The following UTP25 variants were observed in gnomAD, a reference collection of about 807,000 sequenced individuals.
The protein encoded by UTP25 is UTP25 small subunit processome component, also known as U3 small nucleolar RNA-associated protein 25 homolog.
In UTP25, 50 loss-of-function variants were observed where a neutral mutation model predicts 78.9. The ratio of observed to expected loss-of-function variants is 0.63; its 90% CI spans 0.50 to 0.80. The LOEUF (loss-of-function observed/expected upper bound fraction) is 0.80. UTP25 is among the 30% of genes least tolerant of loss of function. UTP25 has a pLI of 0.00. For synonymous variants in UTP25, 329 were observed against 336.5 expected, an observed-to-expected ratio of 0.98 and a Z score of 0.24; for missense variants, 846 against 911.3, an observed-to-expected ratio of 0.93 and a Z score of 0.92.
intron 4 of UTP25, among the ~76,000 whole-genome samples, chr1:209,833,866 G>A (rs910898460): frequency 6.6e-6 from 1 of 152,104 alleles, no homozygotes; most frequent in Admixed American, 6.6e-5. Flanking sequence ...CAGTCACGTG[G>A]TCAAGACGTG....
At chr1:209,842,555 A>G in intron 9 of UTP25, 28 bp from the exon 10 acceptor site, 4 of 1,612,432 alleles carry the variant, frequency 2.5e-6, no homozygotes, top group Non-Finnish European at 3.4e-6. Flanking sequence ...ATGGCTGTCC[A>G]CCTAACGCTC....
rs890655043 is a variant in UTP25, at chr1:209,855,025, C to G, written c.*3578C>G. On this transcript the variant is annotated 3_prime_UTR_variant, in exon 12 of 12. Transcript: ENST00000491415. ...AAGCCTGGCTACATAGAATTCTAAACAGATTTCAGTCAACTTTTAATTAGA... is the reference window on the plus strand; with the variant it reads ...AAGCCTGGCTACATAGAATTCTAAAGAGATTTCAGTCAACTTTTAATTAGA... 6 of 152,196 alleles carry G rather than the reference C, an allele frequency of 3.9e-5. No homozygotes were observed. Among genetic ancestry groups the G allele is most frequent in the African/African-American group, 1.2e-4 (5 of 41,434 alleles). 9.4% of individuals were successfully genotyped at this position (152,196 alleles called of 1,614,324 possible). A position where few individuals can be genotyped will look rare whatever the true frequency, so the allele number is the denominator to read the frequency against.
chr1:209,843,190 G>T, intron 10 of UTP25: 1 of 506,534 alleles, frequency 2.0e-6, no homozygotes, highest in Non-Finnish European at 3.5e-6. Context: ...GAATAGTGTG[G>T]TGTGTACTTC....
chr1:209,839,641 G>A lies in UTP25; in HGVS notation c.1282+513G>A, dbSNP rs953378845. 6.6e-5 allele frequency among the ~76,000 whole-genome samples: 10 copies of A among 152,136 alleles called. No homozygotes were observed. In the East Asian group the frequency reaches 7.7e-4, roughly 12 times the overall value. On this transcript the variant is annotated intron_variant, in intron 7 of 11. Coordinates refer to ENST00000491415, the MANE Select transcript of UTP25 (RefSeq NM_014388.7). ...CTCTCATTCAGCTCCCATTGACTTT[G>A]GTTGGTTATACCTTTTATAGAGTAA...
rs1318909343 is a variant in UTP25 at position 209,836,792 on chromosome 1, C to T, written c.652-9C>T. 6.3e-7 allele frequency: 1 copy of T among 1,578,404 alleles called. No individual in the cohort carries two copies. On this transcript the variant is annotated splice_polypyrimidine_tract_variant and intron_variant, in intron 5 of 11. Coordinates refer to ENST00000491415, the MANE Select transcript of UTP25 (RefSeq NM_014388.7). ...TTCTAATTTGGCTCTTGATCTGTTT[C>T]TCCCCTAGTGGCCTATTCTGGGCCA...
Position 209,843,555 on chromosome 1 carries a change from A to C in UTP25, c.1886A>C (p.Asn629Thr). 6.2e-7 allele frequency: 1 copy of C among 1,614,192 alleles called. No individual in the cohort carries two copies. Among genetic ancestry groups the C allele is most frequent in the Non-Finnish European group, 8.5e-7 (1 of 1,180,028 alleles). Residue 629 changes from asparagine (N) to threonine (T), a missense_variant, in exon 11 of 12, where the codon AAT becomes ACT. By Grantham distance (65) the Asn-to-Thr change is moderately conservative (BLOSUM62 0). Coordinates refer to ENST00000491415, the MANE Select transcript of UTP25 (RefSeq NM_014388.7). ...PSYFDFVRLRNYFKKEELNFT... is the reference protein window; with the variant it reads ...PSYFDFVRLRTYFKKEELNFT... ...TACTTTGACTTCGTGCGTCTTCGAA[A>C]TTACTTCAAGAAGGAGGAATTGAAT...
chr1:209,857,188 CTG>C lies in UTP25; in HGVS notation c.*5744_*5745del, dbSNP rs1185567282. Reference sequence around the variant, plus strand: ...TAATCATCTCTGATTGTTAGAAACACTGTGAAACTTTTATCCATCAGTCCTGT... The same window carrying C: ...TAATCATCTCTGATTGTTAGAAACACTGAAACTTTTATCCATCAGTCCTGT... On this transcript the variant is annotated 3_prime_UTR_variant, in exon 12 of 12. Coordinates refer to ENST00000491415, the MANE Select transcript of UTP25 (RefSeq NM_014388.7). 5.3e-5 allele frequency: 8 copies of C among 152,014 alleles called. No homozygotes were observed. The South Asian group carries it at 6.2e-4, about 12-fold the overall frequency. 9.4% of individuals were successfully genotyped at this position (152,014 alleles called of 1,614,324 possible). A position where few individuals can be genotyped will look rare whatever the true frequency, so the allele number is the denominator to read the frequency against.
chr1:209,845,212 C>T (rs966829862), intron 11 of UTP25, among the ~76,000 whole-genome samples: 2 of 152,222 alleles, frequency 1.3e-5, no homozygotes, highest in African/African-American at 2.4e-5. Context: ...TTGTGTTTCC[C>T]AGGCTCCATT....
rs2078265205 is a variant in UTP25, at chr1:209,855,010, A to G, written c.*3563A>G. 1 of 152,202 alleles carries G rather than the reference A, an allele frequency of 6.6e-6. No individual in the cohort carries two copies. Among genetic ancestry groups the G allele is most frequent in the African/African-American group, 2.4e-5 (1 of 41,444 alleles). 9.4% of individuals were successfully genotyped at this position (152,202 alleles called of 1,614,324 possible). Reference sequence around the variant, plus strand: ...AAAAAGCTTTTCTGAAAGCCTGGCTACATAGAATTCTAAACAGATTTCAGT... The same window carrying G: ...AAAAAGCTTTTCTGAAAGCCTGGCTGCATAGAATTCTAAACAGATTTCAGT... On this transcript the variant is annotated 3_prime_UTR_variant, in exon 12 of 12. Transcript: ENST00000491415.
At position 209,840,927 on chromosome 1, in the gene UTP25, CT is replaced by C; in HGVS notation, c.1358del (p.Leu453ArgfsTer3). On this transcript the variant is annotated frameshift_variant, in exon 8 of 12. Transcript: ENST00000491415. LOFTEE classifies it high-confidence loss of function. ...YSSDILIASP[L>X]GLRTIIGGEG... ...CTCGGATATCCTCATTGCTTCCCCC[CT>C]GGGCTTGAGGACCATCATTGGTGGA... The C allele has an allele frequency of 1.2e-6, 2 of 1,614,006 alleles. No individual in the cohort carries two copies. The highest frequency in any genetic ancestry group is 1.7e-6 in the Non-Finnish European group (2 of 1,179,966).
Position 209,842,355 on chromosome 1 carries a change from A to G in UTP25, c.1576A>G (p.Lys526Glu). Reference sequence around the variant, plus strand: ...GATGTGGAGCCTCAATAATTGGTCCAAGTACTATCGCCAGACACTGCTATT... The same window carrying G: ...GATGTGGAGCCTCAATAATTGGTCCGAGTACTATCGCCAGACACTGCTATT... ...VRMWSLNNWSKYYRQTLLFGA... is the reference protein window; with the variant it reads ...VRMWSLNNWSEYYRQTLLFGA... The change falls in exon 9 of 12, where the codon AAG (lysine) becomes GAG (glutamate). Residue 526 changes from lysine to glutamate, a missense_variant. Transcript: ENST00000491415. 6.2e-7 allele frequency: 1 copy of G among 1,614,160 alleles called. No homozygotes were observed. Among genetic ancestry groups the G allele is most frequent in the Non-Finnish European group, 8.5e-7 (1 of 1,180,002 alleles).
At chr1:209,838,827 A>G (rs772112258) in intron 6 of UTP25, 82 bp from the exon 7 acceptor site, 1 of 1,472,132 alleles carries the variant, frequency 6.8e-7, no homozygotes, top group East Asian at 2.3e-5. Context: ...GGAGCTTTTT[A>G]GCTCCACTTC....
intron 11 of UTP25, 30 bp from the exon 12 acceptor site, chr1:209,851,174 G>A (rs945157516): frequency 1.3e-6 from 2 of 1,593,588 alleles, no homozygotes; most frequent in Non-Finnish European, 1.7e-6. Flanking sequence ...TTCTCAAGTT[G>A]ACATAGCTCT....
chr1:209,843,817 T>G, intron 11 of UTP25, 121 bp downstream of exon 11: 1 of 1,351,212 alleles, frequency 7.4e-7, no homozygotes, highest in Non-Finnish European at 1.0e-6. Context: ...CTCGCACTCT[T>G]ACAAAGTAGC....
chr1:209,836,677 G>A (rs1279540290), intron 5 of UTP25, 124 bp from the exon 6 acceptor site: 1 of 1,025,620 alleles, frequency 9.8e-7, no homozygotes, highest in African/African-American at 1.6e-5. Flanking sequence ...ACCTTGCAGG[G>A]CTGTTGTGAG....
At position 209,830,974 on chromosome 1, in the gene UTP25, G is replaced by A. The variant is rs200094448; in HGVS notation, c.319G>A (p.Asp107Asn). 4 of 1,614,062 alleles carry A rather than the reference G, an allele frequency of 2.5e-6. No homozygotes were observed. The highest frequency in any genetic ancestry group is 3.4e-6 in the Non-Finnish European group (4 of 1,179,958). The change falls in exon 3 of 12, where the codon GAT (aspartate) becomes AAT (asparagine). Residue 107 changes from aspartate (D) to asparagine (N), a missense_variant. Transcript: ENST00000491415. ...DSIVDDAEMN[D>N]EDGGSDVSVE... The stretch of plus-strand genomic sequence containing the variant: ...TATTGTAGATGATGCAGAAATGAAC[G>A]ATGAAGATGGTGGTAGCGATGTCAG...
intron 10 of UTP25, 182 bp downstream of exon 10, chr1:209,842,877 T>A: frequency 1.7e-6 from 1 of 600,636 alleles, no homozygotes; most frequent in Admixed American, 2.9e-5. Context: ...AATAGTGACT[T>A]TGGCCTAGGT....
Position 209,828,185 on chromosome 1 carries a change from G to C in UTP25, c.107+15G>C. On this transcript the variant is annotated intron_variant, in intron 1 of 11. Coordinates refer to ENST00000491415, the MANE Select transcript of UTP25 (RefSeq NM_014388.7). ...TTCTATGACAGGTCTGAAGGGGCGT[G>C]GCAGGGCTCCCCAGTCGCCAGAGAT... The C allele has an allele frequency of 6.3e-7, 1 of 1,599,280 alleles. No homozygotes were observed. The highest frequency in any genetic ancestry group is 8.6e-7 in the Non-Finnish European group (1 of 1,166,660).
chr1:209,833,742 A>G (rs2078116654), intron 4 of UTP25, among the ~76,000 whole-genome samples: 1 of 152,196 alleles, frequency 6.6e-6, no homozygotes, highest in African/African-American at 2.4e-5. Context: ...TGCAAGACCC[A>G]GGGGTGGCTA....
Sources: gnomAD v4.1 joint callset for allele counts (sites outside exome capture counted in the v4.1 genomes callset) on GRCh38, gnomAD v4.1.1 for gene constraint, MANE v1.5 for transcripts, NCBI Gene and HGNC (gene_info 2026-07-23, HGNC 2026-07-21) for gene names.